EPN3: variants seen among roughly 807,000 people sequenced by gnomAD.
EPN3 encodes the protein epsin 3, also known as epsin-3.
A neutral mutation model predicts 55.5 loss-of-function variants in EPN3; 56 were observed. That is an observed-to-expected ratio of 1.01 (90% CI 0.81 to 1.26). The LOEUF (loss-of-function observed/expected upper bound fraction) is 1.26. Among genes scored for constraint, EPN3 ranks in the 50% most tolerant of loss-of-function variants. The pLI is 0.00. For missense variants in EPN3, 927 were observed against 853.4 expected (o/e 1.09, Z -1.07); for synonymous variants, 449 against 375.2 (o/e 1.20, Z -2.27).
At chr17:50,541,163 G>C in intron 7 of EPN3, 66 bp from the exon 8 acceptor site, 1 of 1,606,688 alleles carries the variant, frequency 6.2e-7, no homozygotes. Flanking sequence ...AGCTTCTCTG[G>C]AAAGGGGTCA....
chr17:50,541,356 G>C, intron 8 of EPN3, 23 bp downstream of exon 8: 1 of 1,609,988 alleles, frequency 6.2e-7, no homozygotes, highest in Non-Finnish European at 8.5e-7. Flanking sequence ...AGGGGATGGT[G>C]AGGCTCTGGG....
At chr17:50,534,792 T>G (rs534280795) in intron 1 of EPN3, 5 of 404,564 alleles carry the variant, frequency 1.2e-5, no homozygotes, top group African/African-American at 1.1e-4. Context: ...CTGGCGGGGC[T>G]GGGGTGGAAG....
chr17:50,541,343 G>C lies in EPN3; in HGVS notation c.1354+10G>C. ...CCCAGCAGCCCTGTGGGTGAGCAGG[G>C]CAAGGGGATGGTGAGGCTCTGGGGA... On this transcript the variant is annotated intron_variant, in intron 8 of 9. Coordinates refer to ENST00000268933, the MANE Select transcript of EPN3 (RefSeq NM_017957.3). The C allele has an allele frequency of 6.2e-7, 1 of 1,611,066 alleles. No individual in the cohort carries two copies. Among genetic ancestry groups the C allele is most frequent in the East Asian group, 2.2e-5 (1 of 44,886 alleles).
chr17:50,541,332 G>T lies in EPN3; in HGVS notation c.1353G>T (p.Val451=). Reference sequence around the variant, plus strand: ...CCTCTGGGAAGCCCAGCAGCCCTGTGGGTGAGCAGGGCAAGGGGATGGTGA... The same window carrying T: ...CCTCTGGGAAGCCCAGCAGCCCTGTTGGTGAGCAGGGCAAGGGGATGGTGA... ...ALPSGKPSSP[V]ELDLFGDPSP... The change falls in exon 8 of 10, where the codon GTG becomes GTT. Residue 451 remains valine (V), a splice_region_variant and synonymous_variant. Transcript: ENST00000268933. The T allele has an allele frequency of 6.2e-7, 1 of 1,611,664 alleles. No homozygotes were observed. The highest frequency in any genetic ancestry group is 1.1e-5 in the South Asian group (1 of 91,052).
In EPN3 at chr17:50,541,215, C is replaced by T. The variant is rs768376663; in HGVS notation, c.1250-14C>T. 1.9e-6 allele frequency: 3 copies of T among 1,613,456 alleles called. No individual in the cohort carries two copies. In the Admixed American group the frequency reaches 5.0e-5, roughly 27 times the overall value. ...TTTTGTCAACCCATCTCCTCTTCCT[C>T]TCTCTCTTCCGAGGTGGTGCCTCGA... On this transcript the variant is annotated splice_polypyrimidine_tract_variant and intron_variant, in intron 7 of 9. Coordinates refer to ENST00000268933, the MANE Select transcript of EPN3 (RefSeq NM_017957.3).
intron 1 of EPN3, 23 bp downstream of exon 1, chr17:50,533,008 T>A (rs1447928240): frequency 1.7e-5 from 21 of 1,259,442 alleles, no homozygotes; most frequent in Non-Finnish European, 1.9e-5. Context: ...CCTGGCCCCC[T>A]CCCTGGCAGT....
rs2034863441 is a variant in EPN3, at chr17:50,542,422, C to A, written c.*265C>A. On this transcript the variant is annotated 3_prime_UTR_variant, in exon 10 of 10. Coordinates refer to ENST00000268933, the MANE Select transcript of EPN3 (RefSeq NM_017957.3). ...TGTGGCGGCCGGGTCTCGACCACAG[C>A]GTGGATCACCGGCTGTTTAGGAAAC... The A allele has an allele frequency of 2.4e-6, 1 of 410,904 alleles. No homozygotes were observed. Among genetic ancestry groups the A allele is most frequent in the East Asian group, 4.5e-5 (1 of 22,328 alleles). The allele number at this position is 410,904 out of a possible 1,614,324, so 25.5% of individuals were successfully genotyped here. A position where few individuals can be genotyped will look rare whatever the true frequency, so the allele number is the denominator to read the frequency against.
Position 50,539,318 on chromosome 17 carries a change from AG to A in EPN3, c.891+6del. 5 of 1,614,040 alleles carry A rather than the reference AG, an allele frequency of 3.1e-6. No homozygotes were observed. The highest frequency in any genetic ancestry group is 4.2e-6 in the Non-Finnish European group (5 of 1,179,950). On this transcript the variant is annotated splice_donor_region_variant and intron_variant, in intron 5 of 9. Coordinates refer to ENST00000268933, the MANE Select transcript of EPN3 (RefSeq NM_017957.3). ...AGGAGAAGCTAAAAACCAGCCAGGT[AG>A]GGAGTGGGCTGCGGTGCTTGGGATG...
chr17:50,542,352 T>C lies in EPN3; in HGVS notation c.*195T>C. ...AACTGAACGCCCGCATAATAAAGAC[T>C]GGAACCCTCGTTCTCAGCTCTCACC... On this transcript the variant is annotated 3_prime_UTR_variant, in exon 10 of 10. Coordinates refer to ENST00000268933, the MANE Select transcript of EPN3 (RefSeq NM_017957.3). The C allele has an allele frequency of 1.8e-6, 1 of 541,988 alleles. No individual in the cohort carries two copies. Among genetic ancestry groups the C allele is most frequent in the Non-Finnish European group, 3.0e-6 (1 of 334,890 alleles). 33.6% of individuals were successfully genotyped at this position (541,988 alleles called of 1,614,324 possible).
In EPN3 at chr17:50,537,097, GGCTCCCCGTCCTCCTACAACTGTGA is replaced by G. The variant is rs752581706; in HGVS notation, c.543_562+5del. On this transcript the variant is annotated splice_donor_variant and splice_donor_region_variant and coding_sequence_variant and intron_variant, in exon 2 of 10. Transcript: ENST00000268933. LOFTEE classifies it high-confidence loss of function. Reference sequence around the variant, plus strand: ...CGGCGAGGACTACAGCCGCTCCCGGGGCTCCCCGTCCTCCTACAACTGTGAGTAAGCCCCGGTGTGTGGCTGGGAT... The same window carrying G: ...CGGCGAGGACTACAGCCGCTCCCGGGGTAAGCCCCGGTGTGTGGCTGGGAT... 6.2e-7 allele frequency: 1 copy of G among 1,606,442 alleles called. No homozygotes were observed. Among genetic ancestry groups the G allele is most frequent in the South Asian group, 1.1e-5 (1 of 90,452 alleles).
chr17:50,536,744 G>A lies in EPN3; in HGVS notation c.188G>A (p.Arg63Gln), dbSNP rs1235070242. ...FTEVMGMLWR[R>Q]LNDSGKNWRH... is the part of the protein sequence containing the mutation. ...GAAGTCATGGGCATGCTGTGGCGGC[G>A]GCTCAATGACAGCGGCAAGAACTGG... Residue 63 changes from arginine (R) to glutamine (Q), a missense_variant, in exon 2 of 10, where the codon CGG (arginine) becomes CAG (glutamine). Arg to Gln is a conservative substitution (Grantham distance 43, BLOSUM62 1). Coordinates refer to ENST00000268933, the MANE Select transcript of EPN3 (RefSeq NM_017957.3). The A allele has an allele frequency of 6.8e-6, 11 of 1,614,144 alleles. No individual in the cohort carries two copies. Among genetic ancestry groups the A allele is most frequent in the Non-Finnish European group, 6.8e-6 (8 of 1,180,048 alleles).
chr17:50,536,139 G>C (rs775597924), intron 1 of EPN3: 1 of 200,974 alleles, frequency 5.0e-6, no homozygotes, highest in African/African-American at 2.3e-5. Context: ...TTACAGGCGT[G>C]AGCCACTGCA....
chr17:50,541,156 T>C, intron 7 of EPN3, 73 bp from the exon 8 acceptor site: 1 of 1,604,256 alleles, frequency 6.2e-7, no homozygotes, highest in African/African-American at 1.3e-5. Flanking sequence ...GGAGGACAGC[T>C]TCTCTGGAAA....
chr17:50,536,524 G>T lies in EPN3; in HGVS notation c.-33G>T. The T allele has an allele frequency of 6.2e-7, 1 of 1,612,204 alleles. No homozygotes were observed. The highest frequency in any genetic ancestry group is 1.1e-5 in the South Asian group (1 of 91,068). On this transcript the variant is annotated 5_prime_UTR_variant, in exon 2 of 10. Coordinates refer to ENST00000268933, the MANE Select transcript of EPN3 (RefSeq NM_017957.3). ...GCCCTCAGCCCTCCACCTCCGGCGG[G>T]GGCGAGGGCCACCCACCTCCAAGTC...
Position 50,543,422 on chromosome 17 carries a change from T to C in EPN3, c.*1265T>C, listed in dbSNP as rs1414352073. The C allele has an allele frequency of 6.6e-6, 1 of 152,284 alleles. No individual in the cohort carries two copies. Among genetic ancestry groups the C allele is most frequent in the Non-Finnish European group, 1.5e-5 (1 of 68,078 alleles). The allele number at this position is 152,284 out of a possible 1,614,324, so 9.4% of individuals were successfully genotyped here. On this transcript the variant is annotated 3_prime_UTR_variant, in exon 10 of 10. Transcript: ENST00000268933. ...TGTTTTTCTTCTCAATGCTCCCTGATCACTGGACCACTGGACACTGATGTG... is the reference window on the plus strand; with the variant it reads ...TGTTTTTCTTCTCAATGCTCCCTGACCACTGGACCACTGGACACTGATGTG...
chr17:50,538,180 C>G lies in EPN3; in HGVS notation c.664C>G (p.Arg222Gly). ...LQLQLALAMS[R>G]EEAEKPVPPA... Reference sequence around the variant, plus strand: ...GCTGCAGCTGGCCCTCGCCATGAGCCGTGAGGAGGCAGAGAAGGTGAGGCC... The same window carrying G: ...GCTGCAGCTGGCCCTCGCCATGAGCGGTGAGGAGGCAGAGAAGGTGAGGCC... The change falls in exon 3 of 10, where the codon CGT becomes GGT. Residue 222 changes from arginine (R) to glycine (G), a missense_variant. Transcript: ENST00000268933. The G allele has an allele frequency of 6.2e-7, 1 of 1,611,590 alleles. No individual in the cohort carries two copies.
At chr17:50,540,647 G>A in intron 6 of EPN3, 146 bp from the exon 7 acceptor site, 2 of 1,109,858 alleles carry the variant, frequency 1.8e-6, no homozygotes, top group Admixed American at 5.4e-5. Flanking sequence ...TCAAATAGGG[G>A]CTCCAGCCTG....
In EPN3 at chr17:50,542,497, C is replaced by A; in HGVS notation, c.*340C>A. 3.7e-6 allele frequency: 1 copy of A among 273,020 alleles called. No individual in the cohort carries two copies. Among genetic ancestry groups the A allele is most frequent in the Non-Finnish European group, 6.8e-6 (1 of 146,872 alleles). 16.9% of individuals were successfully genotyped at this position (273,020 alleles called of 1,614,324 possible). A position where few individuals can be genotyped will look rare whatever the true frequency, so the allele number is the denominator to read the frequency against. ...AAACTGCCCCGCTTCCTTTACAGCTCTTCTCAACCCTCACCTCCATCCCCC... is the reference window on the plus strand; with the variant it reads ...AAACTGCCCCGCTTCCTTTACAGCTATTCTCAACCCTCACCTCCATCCCCC... On this transcript the variant is annotated 3_prime_UTR_variant, in exon 10 of 10. Transcript: ENST00000268933.
In EPN3 at chr17:50,536,885, A is replaced by G. The variant is rs774774052; in HGVS notation, c.329A>G (p.Gln110Arg). 1.9e-6 allele frequency: 3 copies of G among 1,614,192 alleles called. No homozygotes were observed. In the Admixed American group the frequency reaches 5.0e-5, roughly 27 times the overall value. ...ACCATCCAGACACTCAAGGACTTCC[A>G]GTACATCGACCGCGACGGCAAGGAC... ...LYTIQTLKDF[Q>R]YIDRDGKDQG... Residue 110 changes from glutamine to arginine, a missense_variant, in exon 2 of 10, where the codon CAG (glutamine) becomes CGG (arginine). Transcript: ENST00000268933.
Sources: gnomAD v4.1 joint callset for allele counts on GRCh38, gnomAD v4.1.1 for gene constraint, MANE v1.5 for transcripts, NCBI Gene and HGNC (gene_info 2026-07-23, HGNC 2026-07-21) for gene names.